Variants in POLDIP3 observed in about 807,000 individuals in gnomAD.
POLDIP3 encodes DNA polymerase delta interacting protein 3.
POLDIP3 carries 14 observed loss-of-function variants against 45.1 expected under a neutral mutation model. The observed-to-expected ratio is 0.31, with a 90% CI of 0.20 to 0.49. POLDIP3 has a LOEUF of 0.49. Among genes scored for constraint, POLDIP3 ranks in the 20% least tolerant of loss-of-function variants. The pLI is 0.99. For missense variants in POLDIP3, 511 were observed against 538.8 expected, an observed-to-expected ratio of 0.95 and a Z score of 0.51; for synonymous variants, 223 against 205.2, an observed-to-expected ratio of 1.09 and a Z score of -0.74.
chr22:42,607,848 G>A (rs1274609080), intron 1 of POLDIP3, among the ~76,000 whole-genome samples: 1 of 150,458 alleles, frequency 6.6e-6, no homozygotes, highest in Non-Finnish European at 1.5e-5. Flanking sequence ...CCCCGTCTGG[G>A]AAGTGAGGAG....
At chr22:42,607,114 A>C (rs1354555693) in intron 1 of POLDIP3, among the ~76,000 whole-genome samples, 1 of 152,184 alleles carries the variant, frequency 6.6e-6, no homozygotes, top group Non-Finnish European at 1.5e-5. Context: ...AAGATACAAA[A>C]AAAATTCCCT....
chr22:42,601,928 TAC>T (rs779112268), intron 3 of POLDIP3, 40 bp downstream of exon 3: 1 of 1,603,938 alleles, frequency 6.2e-7, no homozygotes, highest in South Asian at 1.1e-5. Flanking sequence ...GTTCGCTATG[TAC>T]ACACAGATTC....
Position 42,614,793 on chromosome 22 carries a change from T to G in POLDIP3, c.59+6A>C. ...CTAAACCCCGAAGAAAGGAAAGGCC[T>G]CTCACCGTCCTTTCGCCGCCGCCCC... On this transcript the variant is annotated splice_donor_region_variant and intron_variant, in intron 1 of 8. Coordinates refer to ENST00000252115, the MANE Select transcript of POLDIP3 (RefSeq NM_032311.5). 1 of 1,613,922 alleles carries G rather than the reference T, an allele frequency of 6.2e-7. No homozygotes were observed. The highest frequency in any genetic ancestry group is 8.5e-7 in the Non-Finnish European group (1 of 1,179,842).
rs781606032 is a variant in POLDIP3, at chr22:42,585,537, A to G, written c.*254T>C. ...GGGGCTGAGGCTCGGGGAGGCACAC[A>G]CTGAAAAACACAAGCCTACCTTGGC... On this transcript the variant is annotated 3_prime_UTR_variant, in exon 9 of 9. Transcript: ENST00000252115. 5 of 486,260 alleles carry G rather than the reference A, an allele frequency of 1.0e-5. No individual in the cohort carries two copies. The South Asian group carries it at 1.2e-4, about 11-fold the overall frequency. 30.1% of individuals were successfully genotyped at this position (486,260 alleles called of 1,614,324 possible). A position where few individuals can be genotyped will look rare whatever the true frequency, so the allele number is the denominator to read the frequency against.
At chr22:42,606,744 C>T (rs1166802820) in intron 1 of POLDIP3, among the ~76,000 whole-genome samples, 2 of 152,114 alleles carry the variant, frequency 1.3e-5, no homozygotes, top group Non-Finnish European at 2.9e-5. Flanking sequence ...TATGGAGCCA[C>T]CATGCCCAGC....
At chr22:42,586,714 C>T (rs1193420548) in intron 8 of POLDIP3, among the ~76,000 whole-genome samples, 1 of 152,182 alleles carries the variant, frequency 6.6e-6, no homozygotes, top group Admixed American at 6.5e-5. Context: ...ACCCAGGGTT[C>T]AAATCCTAGT....
At chr22:42,601,236 C>T (rs993343427) in intron 3 of POLDIP3, among the ~76,000 whole-genome samples, 5 of 151,414 alleles carry the variant, frequency 3.3e-5, no homozygotes, top group Non-Finnish European at 5.9e-5. Context: ...TTAGGCCGGG[C>T]GCGGTGGCTC....
chr22:42,587,682 G>A, intron 7 of POLDIP3, 110 bp from the exon 8 acceptor site: 3 of 1,025,048 alleles, frequency 2.9e-6, no homozygotes, highest in Admixed American at 1.9e-5. Flanking sequence ...ACCACTGGCA[G>A]TTCTGGCTCC....
intron 4 of POLDIP3, among the ~76,000 whole-genome samples, chr22:42,598,708 G>A (rs896613145): frequency 6.6e-6 from 1 of 152,148 alleles, no homozygotes; most frequent in Non-Finnish European, 1.5e-5. Flanking sequence ...TTACTAACCA[G>A]GAGGCTGGTC....
intron 1 of POLDIP3, among the ~76,000 whole-genome samples, chr22:42,606,632 T>G (rs1411772698): frequency 6.6e-6 from 1 of 152,132 alleles, no homozygotes; most frequent in Non-Finnish European, 1.5e-5. Flanking sequence ...CAAAAACATA[T>G]TTTAAAAAAT....
chr22:42,602,633 C>T (rs1267830324), intron 2 of POLDIP3, 137 bp downstream of exon 2: 4 of 985,608 alleles, frequency 4.1e-6, no homozygotes. Context: ...TACTTAAAGC[C>T]TCTGTAAGGA....
chr22:42,608,962 C>T (rs1225123077), intron 1 of POLDIP3, among the ~76,000 whole-genome samples: 6 of 152,206 alleles, frequency 3.9e-5, no homozygotes, highest in African/African-American at 1.4e-4. Flanking sequence ...AGCTGCTCTT[C>T]CTGCATGAAA....
Position 42,592,070 on chromosome 22 carries a change from C to T in POLDIP3, c.906G>A (p.Val302=), listed in dbSNP as rs184393164. ...TEEDIVELFC[V]CGALKRARLV... The stretch of plus-strand genomic sequence containing the variant: ...GTCGAGCTCGCTTGAGGGCCCCACA[C>T]ACACAGAAAAGCTCCTGCACACAAC... The change falls in exon 7 of 9, where the codon GTG becomes GTA. Residue 302 remains valine (V), a synonymous_variant. Transcript: ENST00000252115. 1.1e-5 allele frequency: 18 copies of T among 1,614,252 alleles called. No homozygotes were observed. The East Asian group carries it at 2.9e-4, about 26-fold the overall frequency.
intron 7 of POLDIP3, among the ~76,000 whole-genome samples, chr22:42,591,581 C>T (rs1208147929): frequency 6.6e-6 from 1 of 152,182 alleles, no homozygotes; most frequent in Non-Finnish European, 1.5e-5. Flanking sequence ...GCAGCTCTCA[C>T]CCAGGTGTCA....
In POLDIP3 at chr22:42,603,011, C is replaced by T. The variant is rs772123154; in HGVS notation, c.209G>A (p.Gly70Glu). The change falls in exon 2 of 9, where the codon GGA (glycine) becomes GAA (glutamate). Residue 70 changes from glycine to glutamate, a missense_variant. Physicochemically the swap from Gly to Glu is moderately conservative, Grantham distance 98. Transcript: ENST00000252115. ...AAGCTTCTCCCGGGCATCCTTGACTCCCAGTTTGAGCCGGGCATCTGAGAG... is the reference window on the plus strand; with the variant it reads ...AAGCTTCTCCCGGGCATCCTTGACTTCCAGTTTGAGCCGGGCATCTGAGAG... ...IGLSDARLKL[G>E]VKDAREKLLQ... 6.2e-7 allele frequency: 1 copy of T among 1,614,134 alleles called. No homozygotes were observed. Among genetic ancestry groups the T allele is most frequent in the East Asian group, 2.2e-5 (1 of 44,890 alleles).
intron 1 of POLDIP3, among the ~76,000 whole-genome samples, chr22:42,607,449 G>T (rs895173491): frequency 6.6e-6 from 1 of 152,220 alleles, no homozygotes; most frequent in Non-Finnish European, 1.5e-5. Flanking sequence ...GAGTGATCTC[G>T]GCTCGCTACA....
intron 1 of POLDIP3, among the ~76,000 whole-genome samples, chr22:42,604,355 G>A (rs926816816): frequency 6.6e-6 from 1 of 152,128 alleles, no homozygotes; most frequent in Admixed American, 6.5e-5. Context: ...ATCGAGCCCT[G>A]GCTGAGTGTC....
In POLDIP3 at chr22:42,602,066, C is replaced by G. The variant is rs778400572; in HGVS notation, c.451-10G>C. 3.1e-6 allele frequency: 5 copies of G among 1,614,118 alleles called. No individual in the cohort carries two copies. The South Asian group carries it at 5.5e-5, about 18-fold the overall frequency. On this transcript the variant is annotated splice_polypyrimidine_tract_variant and intron_variant, in intron 2 of 8. Coordinates refer to ENST00000252115, the MANE Select transcript of POLDIP3 (RefSeq NM_032311.5). Reference sequence around the variant, plus strand: ...CTTTCTGCTGTGGAACCTGGAAACACTCAGTGGTCAGAATCCACCCCACAG... The same window carrying G: ...CTTTCTGCTGTGGAACCTGGAAACAGTCAGTGGTCAGAATCCACCCCACAG...
In POLDIP3 at chr22:42,584,801, T is replaced by C; in HGVS notation, c.*990A>G. On this transcript the variant is annotated 3_prime_UTR_variant, in exon 9 of 9. Coordinates refer to ENST00000252115, the MANE Select transcript of POLDIP3 (RefSeq NM_032311.5). The stretch of plus-strand genomic sequence containing the variant: ...AGTGCCCCTTGGTGGCAGCTGGATA[T>C]ATGCCTCCAGGCATCCCTGACCACT... The C allele has an allele frequency of 2.4e-6, 1 of 422,832 alleles. No individual in the cohort carries two copies. The highest frequency in any genetic ancestry group is 4.7e-6 in the Non-Finnish European group (1 of 212,702). 26.2% of individuals were successfully genotyped at this position (422,832 alleles called of 1,614,324 possible).
Sources: gnomAD v4.1 joint callset for allele counts (sites outside exome capture counted in the v4.1 genomes callset) on GRCh38, gnomAD v4.1.1 for gene constraint, MANE v1.5 for transcripts, NCBI Gene and HGNC (gene_info 2026-07-23, HGNC 2026-07-21) for gene names.